Variants in PHC1 observed in about 807,000 individuals in gnomAD.
PHC1 encodes the protein polyhomeotic-like protein 1.
A neutral mutation model predicts 104.3 loss-of-function variants in PHC1; 12 were observed. The ratio of observed to expected loss-of-function variants is 0.12; its 90% confidence interval spans 0.07 to 0.19. PHC1 has a LOEUF of 0.19. Among genes scored for constraint, PHC1 ranks in the 10% least tolerant of loss-of-function variants. PHC1 has a pLI of 1.00. For missense variants in PHC1, 671 were observed against 1,200.0 expected, an observed-to-expected ratio of 0.56 and a Z score of 6.51; for synonymous variants, 302 against 455.8, an observed-to-expected ratio of 0.66 and a Z score of 4.30.
intron 6 of PHC1, among the ~76,000 whole-genome samples, chr12:8,924,445 C>T (rs1945458793): frequency 6.6e-6 from 1 of 152,152 alleles, no homozygotes; most frequent in Non-Finnish European, 1.5e-5. Context: ...CACTACACTC[C>T]AGCCTGGGCG....
In PHC1 at chr12:8,937,306, A is replaced by G. The variant is rs767456356; in HGVS notation, c.2608A>G (p.Ile870Val). 6.2e-7 allele frequency: 1 copy of G among 1,609,440 alleles called. No individual in the cohort carries two copies. The highest frequency in any genetic ancestry group is 1.7e-5 in the Admixed American group (1 of 59,070). Residue 870 changes from isoleucine to valine, a missense_variant, in exon 13 of 15, where the codon ATT (isoleucine) becomes GTT (valine). Ile to Val is a conservative substitution (Grantham distance 29). Transcript: ENST00000544916. ...RSSSDIARAK[I>V]QGKCHRGQED... ...CTCCTCTGACATTGCCCGTGCCAAG[A>G]TTCAGGGCAAGTGCCACCGGGTGAG...
rs192672836 is a variant in PHC1, at chr12:8,934,124, A to G, written c.2041+112A>G. The G allele has an allele frequency of 9.9e-5, 135 of 1,367,752 alleles. No individual in the cohort carries two copies. In the African/African-American group the frequency reaches 1.6e-3, roughly 16 times the overall value. The allele number at this position is 1,367,752 out of a possible 1,614,324, so 84.7% of individuals were successfully genotyped here. On this transcript the variant is annotated intron_variant, in intron 9 of 14. Transcript: ENST00000544916. The stretch of plus-strand genomic sequence containing the variant: ...GAAAATGGGCCAGAAGTTGGTGGAC[A>G]AATGAATAGATCCAAAAACAGGGAA...
intron 3 of PHC1, among the ~76,000 whole-genome samples, chr12:8,920,699 C>T (rs776063002): frequency 2.0e-5 from 3 of 152,222 alleles, no homozygotes; most frequent in Non-Finnish European, 4.4e-5. Flanking sequence ...AAGAGCGAGA[C>T]TCCTTCTCAA....
upstream of PHC1, among the ~76,000 whole-genome samples, chr12:8,914,362 G>A (rs1165629226): frequency 1.3e-5 from 2 of 151,810 alleles, no homozygotes; most frequent in African/African-American, 4.8e-5. Flanking sequence ...GCAGAGGCCC[G>A]GGAGCTGCGT....
At chr12:8,921,163 C>T (rs530104449) in intron 4 of PHC1, 98 bp downstream of exon 4, 5 of 852,886 alleles carry the variant, frequency 5.9e-6, no homozygotes, top group East Asian at 2.6e-5. Context: ...TTTATTGAGC[C>T]GTCAGTGGAT....
At chr12:8,924,442 C>T (rs1469147801) in intron 6 of PHC1, among the ~76,000 whole-genome samples, 1 of 152,208 alleles carries the variant, frequency 6.6e-6, no homozygotes, top group Non-Finnish European at 1.5e-5. Context: ...TGCCACTACA[C>T]TCCAGCCTGG....
Position 8,919,978 on chromosome 12 carries a change from C to T in PHC1, c.225+112C>T. The T allele has an allele frequency of 1.4e-6, 2 of 1,462,966 alleles. No homozygotes were observed. The highest frequency in any genetic ancestry group is 1.9e-6 in the Non-Finnish European group (2 of 1,076,118). The allele number at this position is 1,462,966 out of a possible 1,614,324, so 90.6% of individuals were successfully genotyped here. On this transcript the variant is annotated intron_variant, in intron 3 of 14. Coordinates refer to ENST00000544916, the MANE Select transcript of PHC1 (RefSeq NM_004426.3). This position sits in a 1 kb window ranked among gnomAD's most constrained non-coding sequence, Gnocchi z 4.9. ...TATACTAAGCCAGGCTGCAGACAGC[C>T]TCCTCCGCCTCCTGTCCTTCTGTGG...
At chr12:8,929,290 A>G (rs1177811171) in intron 6 of PHC1, among the ~76,000 whole-genome samples, 1 of 152,140 alleles carries the variant, frequency 6.6e-6, no homozygotes, top group Non-Finnish European at 1.5e-5. Flanking sequence ...TAGCAATATA[A>G]CAATGAATAA....
chr12:8,935,690 T>C (rs751140100), intron 11 of PHC1, among the ~76,000 whole-genome samples: 1 of 152,282 alleles, frequency 6.6e-6, no homozygotes, highest in Admixed American at 6.5e-5. Flanking sequence ...TATCAGAGTA[T>C]GTAGAATCAC....
intron 10 of PHC1, among the ~76,000 whole-genome samples, chr12:8,934,778 G>A (rs1190236371): frequency 6.6e-6 from 1 of 152,058 alleles, no homozygotes; most frequent in Non-Finnish European, 1.5e-5. Flanking sequence ...AGCTTTCCTA[G>A]GGTTTGCAGA....
At chr12:8,918,379 A>C (rs1945259950) in intron 2 of PHC1, among the ~76,000 whole-genome samples, 1 of 152,254 alleles carries the variant, frequency 6.6e-6, no homozygotes, top group African/African-American at 2.4e-5. Flanking sequence ...TGAAAATTTT[A>C]CGTGAAGGAA....
At chr12:8,921,122 T>C in intron 4 of PHC1, 57 bp downstream of exon 4, 1 of 1,298,596 alleles carries the variant, frequency 7.7e-7, no homozygotes, top group Non-Finnish European at 1.1e-6. Context: ...GTCTCTGGGT[T>C]AAATTACTTT....
At position 8,919,894 on chromosome 12, in the gene PHC1, A is replaced by G; in HGVS notation, c.225+28A>G. ...GAGAGGTCAGCAGCCAGCTGGCCCG[A>G]GAGGGAGGGGACAGGCACTACAGGT... On this transcript the variant is annotated intron_variant, in intron 3 of 14. Coordinates refer to ENST00000544916, the MANE Select transcript of PHC1 (RefSeq NM_004426.3). The surrounding 1 kb of genome is among the most constrained non-coding windows in gnomAD (Gnocchi z 4.9). The G allele has an allele frequency of 1.3e-6, 2 of 1,585,696 alleles. No homozygotes were observed.
rs3026261 is a variant in PHC1, at chr12:8,938,072, C to T, written c.2860+12C>T. On this transcript the variant is annotated intron_variant, in intron 14 of 14. Coordinates refer to ENST00000544916, the MANE Select transcript of PHC1 (RefSeq NM_004426.3). ...TGCTTCTCTCCAAGGTACTGACCCT[C>T]TCTTCAACAGAACCCAGGTTGTTTT... is the stretch of plus-strand genomic sequence containing the variant. The T allele has an allele frequency of 0.21, 335,137 of 1,583,172 alleles. 38,191 individuals are homozygous for T. The highest frequency in any genetic ancestry group is 0.3 in the Admixed American group (17,739 of 58,838).
intron 2 of PHC1, among the ~76,000 whole-genome samples, chr12:8,918,874 T>C (rs183429698): frequency 6.6e-6 from 1 of 152,326 alleles, no homozygotes; most frequent in East Asian, 1.9e-4. Context: ...GTGACTGTCA[T>C]AGAGCGCACT....
intron 6 of PHC1, among the ~76,000 whole-genome samples, chr12:8,926,945 A>T (rs746563699): frequency 6.6e-6 from 1 of 152,244 alleles, no homozygotes; most frequent in East Asian, 1.9e-4. Context: ...GAGATAGTAC[A>T]GGTTGAGGAG....
At position 8,920,045 on chromosome 12, in the gene PHC1, C is replaced by T. The variant is rs76909152; in HGVS notation, c.225+179C>T. 4.1e-3 allele frequency: 3,823 copies of T among 926,622 alleles called. 113 individuals carry two copies. In the African/African-American group the frequency reaches 0.056, roughly 14 times the overall value. The allele number at this position is 926,622 out of a possible 1,614,324, so 57.4% of individuals were successfully genotyped here. ...TAGCTTCTGGGGTTGCAGTAAGAAC[C>T]GTAAAATCACTTTTTAGGTATAGAG... On this transcript the variant is annotated intron_variant, in intron 3 of 14. Transcript: ENST00000544916.
At chr12:8,917,902 G>A in intron 2 of PHC1, 111 bp downstream of exon 2, 1 of 636,118 alleles carries the variant, frequency 1.6e-6, no homozygotes, top group Non-Finnish European at 2.7e-6. Flanking sequence ...GGAGAGTTGG[G>A]TTAGATGATG....
Position 8,937,223 on chromosome 12 carries a change from T to C in PHC1, c.2525T>C (p.Met842Thr). ...SHQFRLKRKK[M>T]KEFQEANYAR... ...CAGTTCCGGCTGAAGAGGAAAAAAA[T>C]GAAAGAGTTTCAAGAAGCCAACTAT... Residue 842 changes from methionine (M) to threonine (T), a missense_variant, in exon 13 of 15, where the codon ATG (methionine) becomes ACG (threonine). Met to Thr is a moderately conservative substitution (Grantham distance 81, BLOSUM62 -1). Coordinates refer to ENST00000544916, the MANE Select transcript of PHC1 (RefSeq NM_004426.3). 4 of 1,613,528 alleles carry C rather than the reference T, an allele frequency of 2.5e-6. No homozygotes were observed. The highest frequency in any genetic ancestry group is 3.4e-6 in the Non-Finnish European group (4 of 1,179,718).
Sources: gnomAD v4.1 joint callset for allele counts (sites outside exome capture counted in the v4.1 genomes callset) on GRCh38, gnomAD v4.1.1 for gene constraint, Gnocchi (gnomAD v3.1) non-coding constraint, MANE v1.5 for transcripts, NCBI Gene and HGNC (gene_info 2026-07-23, HGNC 2026-07-21) for gene names.